ZNF704: variants seen among roughly 807,000 people sequenced by gnomAD.
ZNF704 encodes zinc finger protein 704.
In ZNF704, 10 loss-of-function variants were observed where a neutral mutation model predicts 44.7. The ratio of observed to expected loss-of-function variants is 0.22; its 90% confidence interval spans 0.14 to 0.38. The LOEUF (loss-of-function observed/expected upper bound fraction) is 0.38. Among genes scored for constraint, ZNF704 ranks in the 10% least tolerant of loss-of-function variants. ZNF704 has a pLI of 1.00. For synonymous variants in ZNF704, 211 were observed against 207.6 expected, an observed-to-expected ratio of 1.02 and a Z score of -0.14; for missense variants, 390 against 545.5, an observed-to-expected ratio of 0.71 and a Z score of 2.84.
At chr8:80,838,210 A>C (rs2129952728) in intron 1 of ZNF704, among the ~76,000 whole-genome samples, 1 of 152,332 alleles carries the variant, frequency 6.6e-6, no homozygotes, top group East Asian at 1.9e-4. Context: ...AGTTCATTGC[A>C]GCTGGCCTGG....
At chr8:80,719,202 C>G (rs1819123793) in intron 2 of ZNF704, among the ~76,000 whole-genome samples, 1 of 152,062 alleles carries the variant, frequency 6.6e-6, no homozygotes, top group South Asian at 2.1e-4. Flanking sequence ...TCTCAAACTC[C>G]TGGGCTTAAA....
At chr8:80,654,411 G>A (rs1005809812) in intron 7 of ZNF704, among the ~76,000 whole-genome samples, 14 of 152,252 alleles carry the variant, frequency 9.2e-5, no homozygotes, top group East Asian at 3.9e-4. Context: ...GCAACCTACA[G>A]AATGGGAGAA....
chr8:80,663,110 TGG>T (rs1275566420), intron 6 of ZNF704, among the ~76,000 whole-genome samples: 1 of 152,178 alleles, frequency 6.6e-6, no homozygotes, highest in African/African-American at 2.4e-5. Flanking sequence ...CCAGGCATGG[TGG>T]CTCAAGCCTA....
intron 7 of ZNF704, among the ~76,000 whole-genome samples, chr8:80,645,578 C>T (rs57712953): frequency 0.05 from 7,584 of 152,030 alleles, 639 homozygotes; most frequent in African/African-American, 0.17. Flanking sequence ...GATATGTGAC[C>T]TCTCACTCTT....
intron 2 of ZNF704, among the ~76,000 whole-genome samples, chr8:80,801,403 A>G (rs909412175): frequency 6.6e-6 from 1 of 152,216 alleles, no homozygotes; most frequent in African/African-American, 2.4e-5. Flanking sequence ...TCTAAAACTG[A>G]TCACATAATC....
At chr8:80,721,797 T>A (rs1819171206) in intron 2 of ZNF704, among the ~76,000 whole-genome samples, 1 of 152,222 alleles carries the variant, frequency 6.6e-6, no homozygotes, top group Admixed American at 6.5e-5. Context: ...CTTGGTCAGT[T>A]AACCAAAAAA....
At chr8:80,787,227 T>C (rs572593577) in intron 2 of ZNF704, among the ~76,000 whole-genome samples, 1 of 152,366 alleles carries the variant, frequency 6.6e-6, no homozygotes, top group Admixed American at 6.5e-5. Flanking sequence ...GAACACCTTT[T>C]TTAGAAATGC....
At chr8:80,850,401 C>CA (rs1808838605) in intron 1 of ZNF704, among the ~76,000 whole-genome samples, 1 of 151,904 alleles carries the variant, frequency 6.6e-6, no homozygotes, top group African/African-American at 2.4e-5. Context: ...AATTTCCCCC[C>CA]AAAAAAACTT....
chr8:80,629,117 T>C lies in ZNF704; in HGVS notation c.*12249A>G, dbSNP rs2131576507. ...AGCAAAAGAAATTCAAAAAATTGTTTTAGAGAACAGCATTTAGAAAAACAA... is the reference window on the plus strand; with the variant it reads ...AGCAAAAGAAATTCAAAAAATTGTTCTAGAGAACAGCATTTAGAAAAACAA... On this transcript the variant is annotated 3_prime_UTR_variant, in exon 9 of 9. Coordinates refer to ENST00000327835, the MANE Select transcript of ZNF704 (RefSeq NM_001033723.3). 6.6e-6 allele frequency: 1 copy of C among 152,344 alleles called. No homozygotes were observed. The highest frequency in any genetic ancestry group is 1.9e-4 in the East Asian group (1 of 5,196). The allele number at this position is 152,344 out of a possible 1,614,324, so 9.4% of individuals were successfully genotyped here. A position where few individuals can be genotyped will look rare whatever the true frequency, so the allele number is the denominator to read the frequency against.
At chr8:80,756,094 G>A (rs1311185828) in intron 2 of ZNF704, among the ~76,000 whole-genome samples, 2 of 147,904 alleles carry the variant, frequency 1.4e-5, no homozygotes, top group African/African-American at 5.3e-5. Context: ...GTGTAACAGA[G>A]GGAGACCTCG....
At chr8:80,824,362 A>C (rs1219515996) in intron 1 of ZNF704, among the ~76,000 whole-genome samples, 1 of 152,210 alleles carries the variant, frequency 6.6e-6, no homozygotes, top group Non-Finnish European at 1.5e-5. Flanking sequence ...TGAAGTGAGA[A>C]GAGAAGTTTA....
At chr8:80,796,049 T>G (rs774835209) in intron 2 of ZNF704, among the ~76,000 whole-genome samples, 2 of 152,222 alleles carry the variant, frequency 1.3e-5, no homozygotes, top group Admixed American at 1.3e-4. Context: ...TTGGAAAAAC[T>G]GACCTTTAGC....
intron 2 of ZNF704, among the ~76,000 whole-genome samples, chr8:80,750,804 AC>A (rs1459773493): frequency 6.6e-6 from 1 of 152,014 alleles, no homozygotes; most frequent in African/African-American, 2.4e-5. Flanking sequence ...TGTGAGCCCA[AC>A]CTTATTTTAA....
rs59640222 is a variant in ZNF704 at position 80,732,952 on chromosome 8, T to TAAA, written c.222-39848_222-39846dup. On this transcript the variant is annotated intron_variant, in intron 2 of 8. Transcript: ENST00000327835. The stretch of plus-strand genomic sequence containing the variant: ...CTGGGTGACAGAGTGAGACCTTGCC[T>TAAA]AAAAAAAAAAAAAAAAAAAAAGAGA... Among the ~76,000 whole-genome samples the TAAA allele has an allele frequency of 6.2e-4, 49 of 78,650 alleles. 2 individuals are homozygous for TAAA. The highest frequency in any genetic ancestry group is 1.8e-3 in the African/African-American group (43 of 23,450). The allele number at this position is 78,650 out of a possible 152,430, so 51.6% of individuals were successfully genotyped here.
chr8:80,875,400 G>A (rs960357000), upstream of ZNF704, among the ~76,000 whole-genome samples: 1 of 152,132 alleles, frequency 6.6e-6, no homozygotes, highest in African/African-American at 2.4e-5. Context: ...CGCCACCTGG[G>A]TTCAAGCGAT....
At chr8:80,744,416 C>T (rs1806811883) in intron 2 of ZNF704, among the ~76,000 whole-genome samples, 1 of 152,134 alleles carries the variant, frequency 6.6e-6, no homozygotes, top group African/African-American at 2.4e-5. Flanking sequence ...AACTCAATTA[C>T]ATGAGAACAC....
At chr8:80,645,735 G>C (rs1444371104) in intron 7 of ZNF704, among the ~76,000 whole-genome samples, 2 of 152,138 alleles carry the variant, frequency 1.3e-5, no homozygotes, top group Non-Finnish European at 2.9e-5. Context: ...ACAGCCTGTA[G>C]AGCCAATTAA....
chr8:80,713,053 G>T (rs1819012961), intron 2 of ZNF704, among the ~76,000 whole-genome samples: 1 of 151,842 alleles, frequency 6.6e-6, no homozygotes, highest in African/African-American at 2.4e-5. Flanking sequence ...CCACCACCAT[G>T]CCCGGCTAAT....
At chr8:80,872,498 T>G (rs1012395386) in intron 1 of ZNF704, among the ~76,000 whole-genome samples, 4 of 152,184 alleles carry the variant, frequency 2.6e-5, no homozygotes, top group African/African-American at 9.7e-5. Flanking sequence ...TTCATGAGTT[T>G]TTTTTCTTCC....
Sources: gnomAD v4.1 joint callset for allele counts (sites outside exome capture counted in the v4.1 genomes callset) on GRCh38, gnomAD v4.1.1 for gene constraint, MANE v1.5 for transcripts, NCBI Gene and HGNC (gene_info 2026-07-23, HGNC 2026-07-21) for gene names.